The following CSMD1 variants were observed in gnomAD, a reference collection of about 807,000 sequenced individuals.
CSMD1 encodes the protein CUB and sushi domain-containing protein 1.
In CSMD1, 213 loss-of-function variants were observed where a neutral mutation model predicts 417.5. That is an observed-to-expected ratio of 0.51 (90% confidence interval 0.46 to 0.57). The LOEUF is 0.57. Among genes scored for constraint, CSMD1 ranks in the 20% least tolerant of loss-of-function variants. The pLI is 0.00. For missense variants in CSMD1, 6,923 were observed against 4,529.7 expected (o/e 1.53, Z -15.17); for synonymous variants, 2,862 against 1,736.8 (o/e 1.65, Z -16.11).
intron 1 of CSMD1, among the ~76,000 whole-genome samples, chr8:4,711,767 G>C (rs1034066837): frequency 6.6e-6 from 1 of 152,048 alleles, no homozygotes; most frequent in African/African-American, 2.4e-5. Context: ...GTTTTTGTTT[G>C]CTTTTGTTTT....
chr8:3,767,729 G>C lies in CSMD1; in HGVS notation c.819-13687C>G, dbSNP rs187146882. Among the ~76,000 whole-genome samples the C allele has an allele frequency of 1.3e-4, 20 of 152,280 alleles. No individual in the cohort carries two copies. The East Asian group carries it at 1.9e-3, about 15-fold the overall frequency. On this transcript the variant is annotated intron_variant, in intron 5 of 69. Transcript: ENST00000635120. ...TATGTCTACATATACTTTGCGTTAA[G>C]AGAAGTGAACCTTAAGATGATAAAA... is the stretch of plus-strand genomic sequence containing the variant.
rs182142712 is a variant in CSMD1 at position 3,508,493 on chromosome 8, A to T, written c.1345-14767T>A. 5.5e-4 allele frequency among the ~76,000 whole-genome samples: 78 copies of T among 142,140 alleles called. No homozygotes were observed. In the East Asian group the frequency reaches 0.016, roughly 28 times the overall value. 93.2% of individuals were successfully genotyped at this position (142,140 alleles called of 152,430 possible). On this transcript the variant is annotated intron_variant, in intron 10 of 69. Coordinates refer to ENST00000635120, the MANE Select transcript of CSMD1 (RefSeq NM_033225.6). ...GCATGTTGTGCACATGTACCCTAGA[A>T]CTTAAAGTATAATAAAAAAAAAAGA...
At chr8:3,425,765 T>G (rs1195672533) in intron 12 of CSMD1, among the ~76,000 whole-genome samples, 1 of 152,136 alleles carries the variant, frequency 6.6e-6, no homozygotes, top group African/African-American at 2.4e-5. Context: ...CTCTTTTTAT[T>G]CAATAGACAG....
chr8:3,641,760 G>A (rs963445519), intron 7 of CSMD1, among the ~76,000 whole-genome samples: 2 of 152,094 alleles, frequency 1.3e-5, no homozygotes, highest in Admixed American at 6.5e-5. Flanking sequence ...CTACCACTCG[G>A]TACCCAACCA....
chr8:4,385,224 G>C (rs577749794), intron 3 of CSMD1, among the ~76,000 whole-genome samples: 3 of 152,090 alleles, frequency 2.0e-5, no homozygotes, highest in Admixed American at 2.0e-4. Context: ...CACTGCACCC[G>C]GCCACATTAA....
chr8:4,378,333 T>G (rs1450274439), intron 3 of CSMD1, among the ~76,000 whole-genome samples: 1 of 152,254 alleles, frequency 6.6e-6, no homozygotes, highest in Non-Finnish European at 1.5e-5. Flanking sequence ...TTTTGAACTT[T>G]GACATTTAAT....
chr8:3,574,439 T>A (rs1246534472), intron 10 of CSMD1, among the ~76,000 whole-genome samples: 1 of 152,034 alleles, frequency 6.6e-6, no homozygotes, highest in Non-Finnish European at 1.5e-5. Flanking sequence ...AGAGATGGGG[T>A]TTCACCATGT....
chr8:3,429,704 T>G (rs1279747611), intron 12 of CSMD1, among the ~76,000 whole-genome samples: 1 of 152,246 alleles, frequency 6.6e-6, no homozygotes, highest in Non-Finnish European at 1.5e-5. Context: ...TATAACTTAA[T>G]GAAATGGTTA....
At chr8:4,049,535 G>T (rs994301409) in intron 3 of CSMD1, among the ~76,000 whole-genome samples, 2 of 151,514 alleles carry the variant, frequency 1.3e-5, no homozygotes, top group South Asian at 2.1e-4. Context: ...GGTCTCTAGG[G>T]CCAACCTCTT....
intron 12 of CSMD1, among the ~76,000 whole-genome samples, chr8:3,415,515 G>C (rs1471585285): frequency 6.6e-6 from 1 of 152,030 alleles, no homozygotes; most frequent in Non-Finnish European, 1.5e-5. Flanking sequence ...GCATCATCAC[G>C]CCCAGGTAAT....
chr8:3,460,712 G>A (rs915423037), intron 12 of CSMD1, among the ~76,000 whole-genome samples: 9 of 152,190 alleles, frequency 5.9e-5, no homozygotes, highest in African/African-American at 2.2e-4. Context: ...ATGTCGCTAA[G>A]AAGAAATAAC....
intron 26 of CSMD1, among the ~76,000 whole-genome samples, chr8:3,281,162 G>A (rs1180237371): frequency 6.6e-6 from 1 of 152,166 alleles, no homozygotes; most frequent in Admixed American, 6.5e-5. Context: ...GGGTAAACAG[G>A]CTGGGCGAGG....
chr8:3,313,012 A>C lies in CSMD1; in HGVS notation c.3632-4509T>G, dbSNP rs138309709. ...GTCAACACTGTTTTTGAATATTGGT[A>C]AAATAAGTTGATGTGTAATAGGAGA... On this transcript the variant is annotated intron_variant, in intron 23 of 69. Coordinates refer to ENST00000635120, the MANE Select transcript of CSMD1 (RefSeq NM_033225.6). Among the ~76,000 whole-genome samples the C allele has an allele frequency of 2.0e-5, 3 of 152,330 alleles. No individual in the cohort carries two copies. In the East Asian group the frequency reaches 5.8e-4, roughly 29 times the overall value.
intron 2 of CSMD1, among the ~76,000 whole-genome samples, chr8:4,612,421 C>G: frequency 6.6e-6 from 1 of 152,138 alleles, no homozygotes; most frequent in Admixed American, 6.6e-5. Context: ...TTGTTTTCTT[C>G]AGGAAAATAA....
intron 3 of CSMD1, among the ~76,000 whole-genome samples, chr8:4,206,757 G>A (rs1332918079): frequency 6.6e-6 from 1 of 152,140 alleles, no homozygotes; most frequent in Non-Finnish European, 1.5e-5. Flanking sequence ...TATTTCCAAT[G>A]AAACCATATC....
chr8:4,323,084 G>A (rs1369716076), intron 3 of CSMD1, among the ~76,000 whole-genome samples: 1 of 145,470 alleles, frequency 6.9e-6, no homozygotes, highest in Non-Finnish European at 1.5e-5. Flanking sequence ...AGCAGCGAAG[G>A]AATGGAAAAA....
intron 1 of CSMD1, among the ~76,000 whole-genome samples, chr8:4,905,556 A>G (rs1403802145): frequency 6.6e-6 from 1 of 152,140 alleles, no homozygotes; most frequent in Non-Finnish European, 1.5e-5. Context: ...ACAGTGGCTC[A>G]CATCTGTAAT....
intron 1 of CSMD1, among the ~76,000 whole-genome samples, chr8:4,757,886 G>C (rs997209013): frequency 2.0e-5 from 3 of 150,212 alleles, no homozygotes; most frequent in Non-Finnish European, 3.0e-5. Context: ...TTGAACCTGG[G>C]AGGCAGCGGT....
chr8:4,090,918 T>A (rs900552672), intron 3 of CSMD1, among the ~76,000 whole-genome samples: 6 of 152,072 alleles, frequency 3.9e-5, no homozygotes, highest in Non-Finnish European at 8.8e-5. Flanking sequence ...AGTCTTTTTT[T>A]TTTTTTCTTT....
Sources: gnomAD v4.1 joint callset for allele counts (sites outside exome capture counted in the v4.1 genomes callset) on GRCh38, gnomAD v4.1.1 for gene constraint, MANE v1.5 for transcripts, NCBI Gene and HGNC (gene_info 2026-07-23, HGNC 2026-07-21) for gene names.